The following ASH1L variants were observed in gnomAD, a reference collection of about 807,000 sequenced individuals.
ASH1L encodes ASH1 like histone lysine methyltransferase.
Under a neutral mutation model 269.0 loss-of-function variants are expected in ASH1L, and 23 were observed. The ratio of observed to expected loss-of-function variants is 0.09; its 90% CI spans 0.06 to 0.12. The LOEUF is 0.12. ASH1L is among the 10% of genes least tolerant of loss of function. The pLI, the probability that ASH1L is intolerant of heterozygous loss-of-function variation, is 1.00. For missense variants in ASH1L, 2,912 were observed against 3,567.8 expected (o/e 0.82, Z 4.68); for synonymous variants, 1,187 against 1,253.5 (o/e 0.95, Z 1.12).
In ASH1L at chr1:155,438,712, T is replaced by G. The variant is rs1210907619; in HGVS notation, c.5443A>C (p.Lys1815Gln). 1 of 1,614,036 alleles carries G rather than the reference T, an allele frequency of 6.2e-7. No homozygotes were observed. Among genetic ancestry groups the G allele is most frequent in the Admixed American group, 1.7e-5 (1 of 59,942 alleles). The part of the protein sequence containing the change: ...RQARKMCNYD[K>Q]ILATKKNLDH... ...AGGTTTTTCTTTGTGGCCAAGATTT[T>G]GTCGTAATTGCACATTTTCCGAGCT... is the stretch of plus-strand genomic sequence containing the variant. The change falls in exon 5 of 28, where the codon AAA becomes CAA. Residue 1815 changes from lysine (K) to glutamine (Q), a missense_variant. By Grantham distance (53) the Lys-to-Gln change is moderately conservative. Around this residue, in one of 13 missense-constraint regions of ASH1L, gnomAD observed 789 missense variants for 897.6 expected, o/e 0.88. Transcript: ENST00000392403.
intron 5 of ASH1L, among the ~76,000 whole-genome samples, chr1:155,432,715 G>T (rs1661697773): frequency 6.6e-6 from 1 of 152,170 alleles, no homozygotes; most frequent in Non-Finnish European, 1.5e-5. Context: ...TGCTGGAATA[G>T]AAAGGCTAAC....
At chr1:155,436,086 G>A (rs1185458447) in intron 5 of ASH1L, among the ~76,000 whole-genome samples, 1 of 152,098 alleles carries the variant, frequency 6.6e-6, no homozygotes, top group Non-Finnish European at 1.5e-5. Context: ...ATGGTTTATT[G>A]CCTGTGGCTT....
intron 1 of ASH1L, among the ~76,000 whole-genome samples, chr1:155,541,471 AATATTAT>A (rs1422967322): frequency 1.3e-5 from 2 of 152,116 alleles, no homozygotes; most frequent in African/African-American, 4.8e-5. Context: ...CTAAGTCACT[AATATTAT>A]ATAAGTCACT....
intron 2 of ASH1L, among the ~76,000 whole-genome samples, chr1:155,482,881 T>C (rs762226006): frequency 6.6e-5 from 10 of 152,190 alleles, no homozygotes; most frequent in Non-Finnish European, 1.3e-4. Context: ...ACCTCCTTCA[T>C]TGACTTAAAT....
chr1:155,512,818 G>C, intron 2 of ASH1L, among the ~76,000 whole-genome samples: 1 of 152,032 alleles, frequency 6.6e-6, no homozygotes. Context: ...CCAGCACTTT[G>C]GGGGGCTGAG....
chr1:155,481,295 T>C lies in ASH1L; in HGVS notation c.1575A>G (p.Val525=). The change falls in exon 3 of 28, where the codon GTA becomes GTG. Residue 525 remains valine (V), a synonymous_variant. Transcript: ENST00000392403. The part of the protein sequence containing the change: ...ETSKHEKQPP[V]YCTSPDFKMG... Reference sequence around the variant, plus strand: ...TTTTAAAGTCCGGAGAAGTGCAATATACAGGAGGCTGCTTTTCATGCTTTG... The same window carrying C: ...TTTTAAAGTCCGGAGAAGTGCAATACACAGGAGGCTGCTTTTCATGCTTTG... The C allele has an allele frequency of 6.2e-7, 1 of 1,614,158 alleles. No individual in the cohort carries two copies. The highest frequency in any genetic ancestry group is 8.5e-7 in the Non-Finnish European group (1 of 1,180,004).
chr1:155,543,493 G>C (rs1250584668), intron 1 of ASH1L, among the ~76,000 whole-genome samples: 5 of 126,518 alleles, frequency 4.0e-5, no homozygotes, highest in African/African-American at 8.8e-5. Flanking sequence ...CTGCATCACA[G>C]AGTGAGACTC....
rs1342010354 is a variant in ASH1L, at chr1:155,481,017, A to G, written c.1853T>C (p.Val618Ala). 2 of 1,614,020 alleles carry G rather than the reference A, an allele frequency of 1.2e-6. No homozygotes were observed. Among genetic ancestry groups the G allele is most frequent in the East Asian group, 2.2e-5 (1 of 44,868 alleles). ...STHLNVGHRSVGHSISIECKG... is the reference protein window; with the variant it reads ...STHLNVGHRSAGHSISIECKG... ...ACATTCAATACTTATACTATGACCA[A>G]CTGACCTATGACCAACGTTCAAGTG... Residue 618 changes from valine to alanine, a missense_variant, in exon 3 of 28, where the codon GTT becomes GCT. This residue lies in a region of ASH1L where 715 missense variants were observed against 721.0 expected (regional missense o/e 0.99). Coordinates refer to ENST00000392403, the MANE Select transcript of ASH1L (RefSeq NM_018489.3).
At chr1:155,518,011 G>A (rs1392271422) in intron 2 of ASH1L, among the ~76,000 whole-genome samples, 3 of 151,492 alleles carry the variant, frequency 2.0e-5, no homozygotes, top group African/African-American at 2.4e-5. Flanking sequence ...CGTTTTAGCC[G>A]GGATGGTCTC....
intron 16 of ASH1L, 30 bp downstream of exon 16, chr1:155,354,443 C>A (rs1360805519): frequency 5.0e-6 from 8 of 1,592,154 alleles, no homozygotes; most frequent in African/African-American, 4.0e-5. Flanking sequence ...AACTCTGTCT[C>A]AAAAAAAAGA....
chr1:155,511,812 T>C (rs1668179580), intron 2 of ASH1L, among the ~76,000 whole-genome samples: 4 of 151,060 alleles, frequency 2.6e-5, no homozygotes, highest in Admixed American at 2.6e-4. Context: ...CAAGATTGTT[T>C]CTTTCTTTTC....
rs60211142 is a variant in ASH1L, at chr1:155,357,768, A to G, written c.6796-19T>C. 3,155 of 1,592,762 alleles carry G rather than the reference A, an allele frequency of 2.0e-3. 62 individuals are homozygous for G. The African/African-American group carries it at 0.037, about 19-fold the overall frequency. On this transcript the variant is annotated intron_variant, in intron 13 of 27. Coordinates refer to ENST00000392403, the MANE Select transcript of ASH1L (RefSeq NM_018489.3). ...AAAGTTGCTTTGAAGGGAGAGAATAATTTTTTTATTTTTATTTTTTTAAGG... is the reference window on the plus strand; with the variant it reads ...AAAGTTGCTTTGAAGGGAGAGAATAGTTTTTTTATTTTTATTTTTTTAAGG...
At chr1:155,388,835 TCAG>T (rs1399487336) in intron 7 of ASH1L, among the ~76,000 whole-genome samples, 1 of 151,144 alleles carries the variant, frequency 6.6e-6, no homozygotes, top group Admixed American at 6.6e-5. Flanking sequence ...TCCTCCTGCC[TCAG>T]CCTCCTGAGT....
intron 7 of ASH1L, among the ~76,000 whole-genome samples, chr1:155,389,988 G>A (rs990394568): frequency 6.9e-6 from 1 of 145,684 alleles, no homozygotes; most frequent in Non-Finnish European, 1.5e-5. Flanking sequence ...TCATTATGAT[G>A]ACTCTTACTC....
chr1:155,492,780 A>AT (rs1364691383), intron 2 of ASH1L, among the ~76,000 whole-genome samples: 2 of 150,348 alleles, frequency 1.3e-5, no homozygotes, highest in Admixed American at 1.3e-4. Context: ...GAAATTCTCT[A>AT]TTTTATTTAC....
chr1:155,370,658 G>C lies in ASH1L; in HGVS notation c.6540-8C>G, dbSNP rs764099178. The stretch of plus-strand genomic sequence containing the variant: ...TGCTCAATCATCCTGTTCCTAAAGA[G>C]AAGATAAATGATTGAAAGACAATTA... On this transcript the variant is annotated splice_polypyrimidine_tract_variant and splice_region_variant and intron_variant, in intron 11 of 27. Coordinates refer to ENST00000392403, the MANE Select transcript of ASH1L (RefSeq NM_018489.3). The C allele has an allele frequency of 6.2e-7, 1 of 1,613,764 alleles. No individual in the cohort carries two copies. Among genetic ancestry groups the C allele is most frequent in the South Asian group, 1.1e-5 (1 of 91,068 alleles).
At chr1:155,526,342 G>GT (rs1185645653) in intron 1 of ASH1L, among the ~76,000 whole-genome samples, 2 of 152,136 alleles carry the variant, frequency 1.3e-5, no homozygotes, top group South Asian at 2.1e-4. Flanking sequence ...CTATACACAA[G>GT]TTTTTTCTTA....
intron 16 of ASH1L, 70 bp from the exon 17 acceptor site, chr1:155,352,928 G>A: frequency 2.1e-6 from 3 of 1,427,186 alleles, no homozygotes; most frequent in Non-Finnish European, 2.8e-6. Flanking sequence ...TTTCCCAATG[G>A]ATTCCTGCCA....
intron 1 of ASH1L, among the ~76,000 whole-genome samples, chr1:155,545,779 G>C (rs1490177896): frequency 6.6e-6 from 1 of 152,114 alleles, no homozygotes; most frequent in Non-Finnish European, 1.5e-5. Context: ...CCAGCACTTT[G>C]GGAGGCTGAG....
Sources: gnomAD v4.1 joint callset for allele counts (sites outside exome capture counted in the v4.1 genomes callset) on GRCh38, gnomAD v4.1.1 for gene constraint, gnomAD v4.1.1 regional missense constraint, MANE v1.5 for transcripts, NCBI Gene and HGNC (gene_info 2026-07-23, HGNC 2026-07-21) for gene names.